GPR107: variants seen among roughly 807,000 people sequenced by gnomAD.
GPR107 encodes protein GPR107.
Under a neutral mutation model 75.5 loss-of-function variants are expected in GPR107, and 31 were observed. The ratio of observed to expected loss-of-function variants is 0.41; its 90% CI spans 0.31 to 0.55. The LOEUF (loss-of-function observed/expected upper bound fraction) is 0.55, where lower values mean the gene tolerates loss of function less well. Among genes scored for constraint, GPR107 ranks in the 20% least tolerant of loss-of-function variants. GPR107 has a pLI of 0.26. For missense variants in GPR107, 572 were observed against 665.7 expected (o/e 0.86, Z 1.55); for synonymous variants, 267 against 251.3 (o/e 1.06, Z -0.59).
intron 1 of GPR107, among the ~76,000 whole-genome samples, chr9:130,069,984 C>CTTTTTTTTT (rs1045979986): frequency 0.015 from 662 of 44,820 alleles, 32 homozygotes; most frequent in Non-Finnish European, 0.023. Context: ...TGCCTGGCCT[C>CTTTTTTTTT]TTTTTTTTTT....
chr9:130,054,180 T>C (rs1829667596), intron 1 of GPR107, 107 bp downstream of exon 1: 2 of 1,079,312 alleles, frequency 1.9e-6, no homozygotes, highest in Non-Finnish European at 1.3e-6. Context: ...ACCACCTCTT[T>C]GCCCCTGGCT....
intron 14 of GPR107, among the ~76,000 whole-genome samples, chr9:130,117,659 G>A (rs889790340): frequency 6.6e-6 from 1 of 152,150 alleles, no homozygotes; most frequent in Non-Finnish European, 1.5e-5. Context: ...TACTCTTAAC[G>A]CCAGCCAGGC....
intron 1 of GPR107, among the ~76,000 whole-genome samples, chr9:130,070,004 TTTTTTTTA>T (rs755371812): frequency 0.62 from 63,528 of 102,236 alleles, 20,205 homozygotes; most frequent in East Asian, 0.81. Flanking sequence ...TTTTTTTTTT[TTTTTTTTA>T]AATTTTTTTG....
At chr9:130,054,952 G>A (rs1411617879) in intron 1 of GPR107, among the ~76,000 whole-genome samples, 1 of 152,190 alleles carries the variant, frequency 6.6e-6, no homozygotes, top group Non-Finnish European at 1.5e-5. Context: ...AACCAGGTGT[G>A]GTGGCAAACG....
intron 17 of GPR107, among the ~76,000 whole-genome samples, chr9:130,133,851 A>C (rs1453688666): frequency 2.0e-5 from 3 of 152,198 alleles, no homozygotes; most frequent in African/African-American, 4.8e-5. Context: ...GCATGGTAGC[A>C]CCATAATGGC....
chr9:130,099,002 T>C (rs1040082059), intron 9 of GPR107, among the ~76,000 whole-genome samples: 2 of 147,016 alleles, frequency 1.4e-5, no homozygotes, highest in African/African-American at 2.5e-5. Context: ...GACAGAACGA[T>C]ACTCTTGTCT....
At chr9:130,077,225 A>G (rs1047179894) in intron 3 of GPR107, 74 bp from the exon 4 acceptor site, 11 of 831,486 alleles carry the variant, frequency 1.3e-5, no homozygotes, top group Non-Finnish European at 2.1e-5. Flanking sequence ...CGTATTTGCT[A>G]TGTTCCTGAA....
chr9:130,085,844 A>G (rs524040), intron 6 of GPR107, among the ~76,000 whole-genome samples: 53,639 of 144,878 alleles, frequency 0.37, 9,894 homozygotes, highest in Non-Finnish European at 0.42. Context: ...TCCACCTCCC[A>G]GGTTCAAGCA....
intron 1 of GPR107, among the ~76,000 whole-genome samples, chr9:130,072,511 G>A (rs113820038): frequency 1.3e-3 from 198 of 152,120 alleles, no homozygotes; most frequent in African/African-American, 2.7e-3. Flanking sequence ...GAGCCACCGC[G>A]CCCGGCCTTG....
rs1229136612 is a variant in GPR107 at position 130,101,207 on chromosome 9, T to C, written c.1115T>C (p.Ile372Thr). 14 of 1,555,390 alleles carry C rather than the reference T, an allele frequency of 9.0e-6. No homozygotes were observed. The highest frequency in any genetic ancestry group is 1.1e-5 in the Non-Finnish European group (12 of 1,126,428). The change falls in exon 12 of 18, where the codon ATT becomes ACT. Residue 372 changes from isoleucine (I) to threonine (T), a missense_variant. By Grantham distance (89) the Ile-to-Thr change is moderately conservative (BLOSUM62 -1). Coordinates refer to ENST00000347136, the MANE Select transcript of GPR107 (RefSeq NM_020960.5). Reference sequence around the variant, plus strand: ...GATAAAGACAAAAAGATCTTCATGATTGTCATTCCACTCCAGGTAAAAGAA... The same window carrying C: ...GATAAAGACAAAAAGATCTTCATGACTGTCATTCCACTCCAGGTAAAAGAA... ...LSDKDKKIFM[I>T]VIPLQVLANV...
intron 15 of GPR107, among the ~76,000 whole-genome samples, chr9:130,126,407 G>A (rs1307976623): frequency 2.7e-5 from 4 of 148,132 alleles, no homozygotes; most frequent in Non-Finnish European, 5.9e-5. Context: ...GTGCAATGGC[G>A]TGATCTCGGC....
intron 14 of GPR107, among the ~76,000 whole-genome samples, chr9:130,109,672 C>T (rs148377919): frequency 0.028 from 4,251 of 150,656 alleles, 116 homozygotes; most frequent in Non-Finnish European, 0.035. Flanking sequence ...CAGCTTCAAG[C>T]GATTCTCCTG....
At chr9:130,131,952 C>G (rs1217103079) in intron 17 of GPR107, among the ~76,000 whole-genome samples, 1 of 152,190 alleles carries the variant, frequency 6.6e-6, no homozygotes, top group Non-Finnish European at 1.5e-5. Flanking sequence ...ACTATCACAG[C>G]TCACTGCAGG....
In GPR107 at chr9:130,131,142, G is replaced by A. The variant is rs145368684; in HGVS notation, c.1562+2381G>A. Reference sequence around the variant, plus strand: ...CTAGGACACCTAGTGAGGTGGCTGCGAAGCTGCTGAAGCCCCACCGCCGTA... The same window carrying A: ...CTAGGACACCTAGTGAGGTGGCTGCAAAGCTGCTGAAGCCCCACCGCCGTA... On this transcript the variant is annotated intron_variant, in intron 17 of 17. Coordinates refer to ENST00000347136, the MANE Select transcript of GPR107 (RefSeq NM_020960.5). 1.6e-3 allele frequency among the ~76,000 whole-genome samples: 250 copies of A among 152,276 alleles called. 1 individual carries two copies. The highest frequency in any genetic ancestry group is 5.6e-3 in the African/African-American group (234 of 41,558).
chr9:130,072,987 A>C (rs1332333815), intron 1 of GPR107, among the ~76,000 whole-genome samples: 2 of 152,196 alleles, frequency 1.3e-5, no homozygotes, highest in Non-Finnish European at 2.9e-5. Flanking sequence ...ACACTCATGC[A>C]GCCCGCAGGA....
intron 5 of GPR107, 38 bp downstream of exon 5, chr9:130,079,807 T>G: frequency 1.4e-6 from 2 of 1,435,954 alleles, no homozygotes; most frequent in South Asian, 2.6e-5. Flanking sequence ...CAGTTTTCAC[T>G]ACCTGCTTTG....
chr9:130,068,799 T>C (rs1260698967), intron 1 of GPR107, among the ~76,000 whole-genome samples: 3 of 151,776 alleles, frequency 2.0e-5, no homozygotes, highest in African/African-American at 7.3e-5. Flanking sequence ...TGGAGTGCTG[T>C]GGCGCAATCT....
At chr9:130,078,977 G>T (rs978893295) in intron 4 of GPR107, among the ~76,000 whole-genome samples, 7 of 152,154 alleles carry the variant, frequency 4.6e-5, no homozygotes, top group Admixed American at 3.9e-4. Context: ...TTTATTTTTT[G>T]AGACGGGGTC....
At position 130,104,473 on chromosome 9, in the gene GPR107, T is replaced by A; in HGVS notation, c.1185T>A (p.Thr395=). The change falls in exon 13 of 18, where the codon ACT becomes ACA. Residue 395 remains threonine, a synonymous_variant. Transcript: ENST00000347136. ...TAGAGTCCACCGAGGAGGGCACGAC[T>A]GAATATGGCTTGTGGAAGGACTCTC... ...IIIESTEEGT[T]EYGLWKDSLF... is the part of the protein sequence containing the mutation. The A allele has an allele frequency of 6.2e-7, 1 of 1,613,028 alleles. No homozygotes were observed. Among genetic ancestry groups the A allele is most frequent in the Non-Finnish European group, 8.5e-7 (1 of 1,178,966 alleles).
Sources: allele counts gnomAD v4.1 joint callset (sites outside exome capture counted in the v4.1 genomes callset), GRCh38; gene constraint gnomAD v4.1.1; transcripts MANE v1.5; gene names NCBI Gene and HGNC (gene_info 2026-07-23, HGNC 2026-07-21).